PHACTR1: variants seen among roughly 807,000 people sequenced by gnomAD.
PHACTR1 encodes the protein RPEL repeat containing 1.
PHACTR1 carries 16 observed loss-of-function variants against 69.2 expected under a neutral mutation model. The ratio of observed to expected loss-of-function variants is 0.23; its 90% CI spans 0.16 to 0.35. The LOEUF (loss-of-function observed/expected upper bound fraction) is 0.35, where lower values mean the gene tolerates loss of function less well. Ranked by LOEUF, PHACTR1 falls within the 10% of genes least tolerant of loss-of-function variation. PHACTR1 has a pLI of 1.00. For synonymous variants in PHACTR1, 312 were observed against 284.5 expected, an observed-to-expected ratio of 1.10 and a Z score of -0.97; for missense variants, 510 against 734.7, an observed-to-expected ratio of 0.69 and a Z score of 3.54.
At chr6:13,199,433 G>A (rs914335493) in intron 7 of PHACTR1, among the ~76,000 whole-genome samples, 1 of 148,312 alleles carries the variant, frequency 6.7e-6, no homozygotes, top group African/African-American at 2.5e-5. Flanking sequence ...TTGAAAAGTG[G>A]ATGCCATGCA....
chr6:12,824,511 A>G (rs1390259839), intron 4 of PHACTR1, among the ~76,000 whole-genome samples: 1 of 152,180 alleles, frequency 6.6e-6, no homozygotes, highest in East Asian at 1.9e-4. Context: ...GACATTATAA[A>G]TCTGCATACT....
At chr6:12,818,543 C>T (rs186991611) in intron 4 of PHACTR1, among the ~76,000 whole-genome samples, 5 of 152,268 alleles carry the variant, frequency 3.3e-5, no homozygotes, top group Admixed American at 1.3e-4. Flanking sequence ...GTAGATTTCA[C>T]GTGATGGAAG....
intron 5 of PHACTR1, among the ~76,000 whole-genome samples, chr6:13,125,281 T>A: frequency 6.6e-6 from 1 of 152,250 alleles, no homozygotes; most frequent in East Asian, 1.9e-4. Flanking sequence ...GGATTTTTCC[T>A]GAAAATTCTC....
At chr6:12,977,503 C>T (rs1795041297) in intron 4 of PHACTR1, among the ~76,000 whole-genome samples, 1 of 152,130 alleles carries the variant, frequency 6.6e-6, no homozygotes, top group Admixed American at 6.5e-5. Context: ...ACACTCTCTC[C>T]CCCTAAAACT....
Position 13,283,347 on chromosome 6 carries a change from C to G in PHACTR1, c.1510-75C>G. ...CACTGAACCTTATTTTCCACACCTG[C>G]AAGTTCACAGACAGGACCAAGTGCC... On this transcript the variant is annotated intron_variant, in intron 12 of 14. Transcript: ENST00000332995. The surrounding 1 kb of genome is among the most constrained non-coding windows in gnomAD (Gnocchi z 4.7). 1 of 1,545,886 alleles carries G rather than the reference C, an allele frequency of 6.5e-7. No individual in the cohort carries two copies. The highest frequency in any genetic ancestry group is 8.8e-7 in the Non-Finnish European group (1 of 1,139,890).
intron 5 of PHACTR1, among the ~76,000 whole-genome samples, chr6:13,064,559 T>G (rs1185279212): frequency 2.9e-3 from 4 of 1,390 alleles, no homozygotes; most frequent in African/African-American, 0.01. Context: ...TATATATATA[T>G]ATATATATAT....
At chr6:13,056,752 C>T (rs1806847735) in intron 5 of PHACTR1, among the ~76,000 whole-genome samples, 1 of 152,114 alleles carries the variant, frequency 6.6e-6, no homozygotes, top group Non-Finnish European at 1.5e-5. Context: ...AAGGAAACAT[C>T]AGGAGTAAGG....
chr6:13,220,977 A>G (rs142474802), intron 8 of PHACTR1, among the ~76,000 whole-genome samples: 2 of 152,318 alleles, frequency 1.3e-5, no homozygotes, highest in African/African-American at 4.8e-5. Context: ...ATTATAACAT[A>G]ATGTGGCAGA....
At chr6:13,130,103 TGAA>T (rs1820179038) in intron 5 of PHACTR1, among the ~76,000 whole-genome samples, 1 of 152,082 alleles carries the variant, frequency 6.6e-6, no homozygotes, top group Non-Finnish European at 1.5e-5. Flanking sequence ...TTCTTTGAGC[TGAA>T]CAATAATAGT....
chr6:13,266,725 C>T (rs1397102553), intron 10 of PHACTR1: 1 of 152,280 alleles, frequency 6.6e-6, no homozygotes, highest in Admixed American at 6.5e-5. Context: ...TTTTAAACAA[C>T]CAGATCTCGC....
At chr6:12,907,411 A>C (rs1435487895) in intron 4 of PHACTR1, among the ~76,000 whole-genome samples, 1 of 152,224 alleles carries the variant, frequency 6.6e-6, no homozygotes, top group Non-Finnish European at 1.5e-5. Context: ...GACTTCTATG[A>C]ATAGTTGCTA....
At chr6:12,872,002 T>A (rs771041073) in intron 4 of PHACTR1, among the ~76,000 whole-genome samples, 3 of 152,136 alleles carry the variant, frequency 2.0e-5, no homozygotes, top group Non-Finnish European at 2.9e-5. Context: ...TAGTGACCAA[T>A]GAGTTTTTTT....
chr6:12,988,541 C>G (rs962303707), intron 4 of PHACTR1, among the ~76,000 whole-genome samples: 1 of 152,192 alleles, frequency 6.6e-6, no homozygotes, highest in Non-Finnish European at 1.5e-5. Flanking sequence ...GGAAAACCAC[C>G]AAGATGCAAA....
intron 4 of PHACTR1, among the ~76,000 whole-genome samples, chr6:12,835,000 A>G (rs1426862812): frequency 6.6e-6 from 1 of 152,170 alleles, no homozygotes; most frequent in Non-Finnish European, 1.5e-5. Context: ...CCAATTAACA[A>G]TGAAGATAAT....
chr6:12,856,856 A>G (rs962630609), intron 4 of PHACTR1, among the ~76,000 whole-genome samples: 1 of 152,232 alleles, frequency 6.6e-6, no homozygotes, highest in Non-Finnish European at 1.5e-5. Flanking sequence ...TGTCATCTTC[A>G]CTAATGACCA....
intron 4 of PHACTR1, among the ~76,000 whole-genome samples, chr6:13,029,643 A>G (rs568367483): frequency 6.6e-6 from 1 of 152,334 alleles, no homozygotes; most frequent in South Asian, 2.1e-4. Flanking sequence ...TGTTGAGTTG[A>G]CATTACATAT....
At chr6:12,950,886 G>A (rs1452299063) in intron 4 of PHACTR1, among the ~76,000 whole-genome samples, 3 of 152,052 alleles carry the variant, frequency 2.0e-5, no homozygotes, top group Non-Finnish European at 2.9e-5. Flanking sequence ...ATTCATTTGC[G>A]CCATTACCTA....
Position 13,014,109 on chromosome 6 carries a change from A to G in PHACTR1, c.251-39256A>G, listed in dbSNP as rs1419150649. The stretch of plus-strand genomic sequence containing the variant: ...CAAGGAGATCAAACACATTTGCAGC[A>G]ACTGCAGTCGGGGGGAGGACGCCCG... On this transcript the variant is annotated intron_variant, in intron 4 of 14. Coordinates refer to ENST00000332995, the MANE Select transcript of PHACTR1 (RefSeq NM_030948.6). 6.6e-6 allele frequency among the ~76,000 whole-genome samples: 1 copy of G among 152,046 alleles called. No homozygotes were observed. Among genetic ancestry groups the G allele is most frequent in the Non-Finnish European group, 1.5e-5 (1 of 67,970 alleles).
intron 4 of PHACTR1, among the ~76,000 whole-genome samples, chr6:13,036,289 C>A (rs1468775741): frequency 6.6e-6 from 1 of 152,164 alleles, no homozygotes; most frequent in East Asian, 1.9e-4. Flanking sequence ...GTAAGCCATT[C>A]TTGTAGAAAA....
Sources: allele counts gnomAD v4.1 joint callset (sites outside exome capture counted in the v4.1 genomes callset), GRCh38; gene constraint gnomAD v4.1.1; non-coding constraint Gnocchi (gnomAD v3.1); transcripts MANE v1.5; gene names NCBI Gene and HGNC (gene_info 2026-07-23, HGNC 2026-07-21).